Variants in NCAM2 observed in about 807,000 individuals in gnomAD.
NCAM2 encodes the protein neural cell adhesion molecule 2, also known as N-CAM-2.
In NCAM2, 30 loss-of-function variants were observed where a neutral mutation model predicts 98.1. The observed-to-expected ratio is 0.31, with a 90% CI of 0.23 to 0.41. The LOEUF is 0.41. Ranked by LOEUF, NCAM2 falls within the 10% of genes least tolerant of loss-of-function variation. The probability of loss-of-function intolerance (pLI) is 1.00; values close to 1 mark genes in which losing one functional copy is unlikely to be tolerated. For missense variants in NCAM2, 867 were observed against 1,005.8 expected, an observed-to-expected ratio of 0.86 and a Z score of 1.87; for synonymous variants, 368 against 342.4, an observed-to-expected ratio of 1.07 and a Z score of -0.83.
intron 3 of NCAM2, among the ~76,000 whole-genome samples, chr21:21,284,739 C>G (rs898038083): frequency 6.0e-5 from 9 of 150,436 alleles, no homozygotes; most frequent in Admixed American, 2.0e-4. Context: ...AATAGAAGGT[C>G]ATGATTAGAA....
intron 1 of NCAM2, among the ~76,000 whole-genome samples, chr21:21,068,530 G>A (rs1337244616): frequency 6.7e-6 from 1 of 150,072 alleles, no homozygotes; most frequent in Non-Finnish European, 1.5e-5. Context: ...CGCAATCTCG[G>A]CTCACTGCAA....
chr21:21,166,807 A>T (rs925845748), intron 1 of NCAM2, among the ~76,000 whole-genome samples: 3 of 152,094 alleles, frequency 2.0e-5, no homozygotes, highest in Non-Finnish European at 4.4e-5. Context: ...TTCAAATAAA[A>T]CCACTCTCTT....
chr21:21,121,275 C>T (rs2066670082), intron 1 of NCAM2, among the ~76,000 whole-genome samples: 1 of 152,126 alleles, frequency 6.6e-6, no homozygotes, highest in Admixed American at 6.5e-5. Context: ...CTTTGTCCTT[C>T]ACTTCTTTTT....
chr21:21,341,396 T>C (rs1338337121), intron 8 of NCAM2, among the ~76,000 whole-genome samples: 9 of 152,162 alleles, frequency 5.9e-5, no homozygotes, highest in Non-Finnish European at 1.2e-4. Context: ...CTTCAAGCCA[T>C]ATTTTGGGAA....
intron 11 of NCAM2, among the ~76,000 whole-genome samples, chr21:21,431,376 A>AT (rs1406115462): frequency 1.3e-5 from 2 of 151,204 alleles, no homozygotes; most frequent in East Asian, 3.9e-4. Flanking sequence ...TTCCGAAATA[A>AT]TTTTTTATAT....
chr21:21,100,513 A>G (rs758340294), intron 1 of NCAM2, among the ~76,000 whole-genome samples: 79 of 151,986 alleles, frequency 5.2e-4, no homozygotes, highest in Non-Finnish European at 9.0e-4. Flanking sequence ...AAGGAGCATG[A>G]CATTGTAAAT....
chr21:21,373,778 G>T, intron 8 of NCAM2, 85 bp from the exon 9 acceptor site: 1 of 1,138,966 alleles, frequency 8.8e-7, no homozygotes, highest in Admixed American at 2.9e-5. Flanking sequence ...GAGAAACATG[G>T]GAAGTAACAT....
intron 8 of NCAM2, among the ~76,000 whole-genome samples, chr21:21,342,257 A>C (rs1379089991): frequency 6.6e-6 from 1 of 152,184 alleles, no homozygotes; most frequent in Non-Finnish European, 1.5e-5. Flanking sequence ...AATGGCACAA[A>C]CCAATAATTT....
intron 12 of NCAM2, among the ~76,000 whole-genome samples, chr21:21,464,766 G>T (rs535990477): frequency 5.6e-4 from 85 of 152,176 alleles, no homozygotes; most frequent in Non-Finnish European, 1.1e-3. Flanking sequence ...TCTCTTCAGT[G>T]TAACTATATA....
At chr21:21,256,868 T>A (rs2071693594) in intron 1 of NCAM2, among the ~76,000 whole-genome samples, 1 of 152,148 alleles carries the variant, frequency 6.6e-6, no homozygotes, top group Non-Finnish European at 1.5e-5. Flanking sequence ...TTACCTAAAA[T>A]GTAATGACCT....
At chr21:21,443,995 T>A (rs1281302765) in intron 12 of NCAM2, among the ~76,000 whole-genome samples, 2 of 152,168 alleles carry the variant, frequency 1.3e-5, no homozygotes, top group Non-Finnish European at 2.9e-5. Context: ...ATAGCTCTTC[T>A]TTTTTTGAGA....
At chr21:21,394,738 C>T (rs1027030151) in intron 9 of NCAM2, among the ~76,000 whole-genome samples, 7 of 151,578 alleles carry the variant, frequency 4.6e-5, no homozygotes, top group African/African-American at 1.5e-4. Flanking sequence ...CCTCCTGCCT[C>T]GGCCTCCCAA....
chr21:21,286,717 T>TA (rs1164319434), intron 4 of NCAM2, among the ~76,000 whole-genome samples: 1 of 151,676 alleles, frequency 6.6e-6, no homozygotes, highest in African/African-American at 2.4e-5. Context: ...ATCATTAGCC[T>TA]AAAAAAATGT....
Position 21,420,658 on chromosome 21 carries a change from G to C in NCAM2, c.1480+2089G>C, listed in dbSNP as rs574123201. ...TCATTGATCGTAAAGGCCAAGAAGG[G>C]AAATTTTTAAGCTAATAATGTCAAA... On this transcript the variant is annotated intron_variant, in intron 11 of 17. Coordinates refer to ENST00000400546, the MANE Select transcript of NCAM2 (RefSeq NM_004540.5). Among the ~76,000 whole-genome samples, 13 of 151,906 alleles carry C rather than the reference G, an allele frequency of 8.6e-5. No individual in the cohort carries two copies. In the East Asian group the frequency reaches 2.3e-3, roughly 27 times the overall value.
chr21:21,243,647 A>G (rs1271735135), intron 1 of NCAM2, among the ~76,000 whole-genome samples: 1 of 152,130 alleles, frequency 6.6e-6, no homozygotes, highest in African/African-American at 2.4e-5. Flanking sequence ...ATCTAGCTTA[A>G]GAAACCTGAG....
intron 1 of NCAM2, among the ~76,000 whole-genome samples, chr21:21,098,579 C>T (rs2066173529): frequency 6.6e-6 from 1 of 151,746 alleles, no homozygotes. Context: ...CACATCTTCT[C>T]TATTAGGGAG....
intron 14 of NCAM2, among the ~76,000 whole-genome samples, chr21:21,474,787 A>G (rs1312123810): frequency 2.0e-5 from 3 of 151,968 alleles, no homozygotes; most frequent in Non-Finnish European, 4.4e-5. Context: ...ATGTGTGTGT[A>G]TACACAATTT....
intron 1 of NCAM2, among the ~76,000 whole-genome samples, chr21:21,005,378 A>ACAGAAAAAAAAGG (rs1339879291): frequency 6.6e-6 from 1 of 152,180 alleles, no homozygotes; most frequent in Non-Finnish European, 1.5e-5. Flanking sequence ...CGTTTATTTA[A>ACAGAAAAAAAAGG]CAGAAAAAAA....
chr21:21,476,438 A>G (rs1985178199), intron 14 of NCAM2, among the ~76,000 whole-genome samples: 2 of 152,140 alleles, frequency 1.3e-5, no homozygotes, highest in African/African-American at 4.8e-5. Flanking sequence ...TGCTACCATC[A>G]CTTTTGTTAT....
Sources: allele counts gnomAD v4.1 joint callset (sites outside exome capture counted in the v4.1 genomes callset), GRCh38; gene constraint gnomAD v4.1.1; transcripts MANE v1.5; gene names NCBI Gene and HGNC (gene_info 2026-07-23, HGNC 2026-07-21).